ZBTB7C: variants seen among roughly 807,000 people sequenced by gnomAD.
ZBTB7C encodes zinc finger and BTB domain containing 7C, also known as zinc finger and BTB domain-containing protein 7C.
A neutral mutation model predicts 25.7 loss-of-function variants in ZBTB7C; 8 were observed. The observed-to-expected ratio is 0.31, with a 90% CI of 0.18 to 0.56. The LOEUF (loss-of-function observed/expected upper bound fraction) is 0.56, where lower values mean the gene tolerates loss of function less well. ZBTB7C is among the 20% of genes least tolerant of loss of function. The pLI, the probability that ZBTB7C is intolerant of heterozygous loss-of-function variation, is 0.91. For missense variants in ZBTB7C, 824 were observed against 855.2 expected, an observed-to-expected ratio of 0.96 and a Z score of 0.46; for synonymous variants, 394 against 369.0, an observed-to-expected ratio of 1.07 and a Z score of -0.78.
At chr18:48,160,324 C>CA (rs2040966792) in intron 3 of ZBTB7C, among the ~76,000 whole-genome samples, 1 of 152,226 alleles carries the variant, frequency 6.6e-6, no homozygotes, top group African/African-American at 2.4e-5. Flanking sequence ...ATCTACTGAG[C>CA]AACTACTCTG....
At chr18:48,099,345 T>C (rs531225948) in intron 3 of ZBTB7C, among the ~76,000 whole-genome samples, 1 of 152,216 alleles carries the variant, frequency 6.6e-6, no homozygotes, top group Non-Finnish European at 1.5e-5. Context: ...CCTAGCACAA[T>C]GTCTGGCACA....
chr18:48,128,723 G>T (rs2039888233), intron 3 of ZBTB7C, among the ~76,000 whole-genome samples: 1 of 151,622 alleles, frequency 6.6e-6, no homozygotes, highest in Admixed American at 6.6e-5. Context: ...GTAGAAAGGG[G>T]GTGAGGGACA....
chr18:48,402,191 G>C (rs1248668226), intron 1 of ZBTB7C, among the ~76,000 whole-genome samples: 1 of 151,532 alleles, frequency 6.6e-6, no homozygotes, highest in Non-Finnish European at 1.5e-5. Context: ...CCCAAACAGT[G>C]ATGCCCTAAA....
Position 48,140,590 on chromosome 18 carries a change from T to C in ZBTB7C, c.-17+45344A>G, listed in dbSNP as rs185967350. Among the ~76,000 whole-genome samples the C allele has an allele frequency of 2.6e-5, 4 of 152,308 alleles. No individual in the cohort carries two copies. In the East Asian group the frequency reaches 7.7e-4, roughly 29 times the overall value. On this transcript the variant is annotated intron_variant, in intron 3 of 4. Transcript: ENST00000590800. The stretch of plus-strand genomic sequence containing the variant: ...GCAGTGTGGTTTGCTGATGCATGCC[T>C]CAGTTTATCCATCTGAACAAGCAGG...
chr18:48,032,544 C>G (rs984328689), intron 4 of ZBTB7C, among the ~76,000 whole-genome samples: 1 of 146,776 alleles, frequency 6.8e-6, no homozygotes, highest in Non-Finnish European at 1.5e-5. Flanking sequence ...ACACAATTCT[C>G]CTGCCTCAGC....
At chr18:48,394,405 A>T (rs900128462) in intron 1 of ZBTB7C, among the ~76,000 whole-genome samples, 1 of 152,166 alleles carries the variant, frequency 6.6e-6, no homozygotes, top group Non-Finnish European at 1.5e-5. Flanking sequence ...GCTAAGCCAG[A>T]GGTTCAGCAG....
chr18:48,094,854 A>G (rs7243930), intron 3 of ZBTB7C, among the ~76,000 whole-genome samples: 2 of 151,986 alleles, frequency 1.3e-5, no homozygotes, highest in Non-Finnish European at 2.9e-5. Flanking sequence ...AAAAGGGAGC[A>G]TGGAGCTGAA....
At chr18:48,073,593 A>C (rs945000977) in intron 3 of ZBTB7C, among the ~76,000 whole-genome samples, 2 of 152,130 alleles carry the variant, frequency 1.3e-5, no homozygotes, top group Non-Finnish European at 2.9e-5. Flanking sequence ...ACAGGCCCTG[A>C]GTTTGAACAG....
At chr18:48,300,086 C>T (rs2045504840) in intron 2 of ZBTB7C, among the ~76,000 whole-genome samples, 1 of 152,180 alleles carries the variant, frequency 6.6e-6, no homozygotes, top group East Asian at 1.9e-4. Context: ...GAGAACCACA[C>T]TTCAAGTAGC....
At chr18:48,243,874 A>G (rs539897414) in intron 2 of ZBTB7C, among the ~76,000 whole-genome samples, 1 of 152,358 alleles carries the variant, frequency 6.6e-6, no homozygotes, top group Admixed American at 6.5e-5. Flanking sequence ...AAAGCCACAT[A>G]CTTACAGGCA....
At chr18:48,353,688 T>G (rs2046913601) in intron 1 of ZBTB7C, among the ~76,000 whole-genome samples, 1 of 152,128 alleles carries the variant, frequency 6.6e-6, no homozygotes, top group Non-Finnish European at 1.5e-5. Context: ...GGGCAATCCT[T>G]TGTGACAGCA....
chr18:48,367,136 T>A (rs921421992), intron 1 of ZBTB7C, among the ~76,000 whole-genome samples: 4 of 139,826 alleles, frequency 2.9e-5, no homozygotes, highest in Non-Finnish European at 4.6e-5. Flanking sequence ...TCTGGGAAGA[T>A]GAAGTAGACA....
intron 1 of ZBTB7C, among the ~76,000 whole-genome samples, chr18:48,365,207 G>C (rs1006426680): frequency 6.6e-6 from 1 of 152,194 alleles, no homozygotes. Context: ...AAACAGTTCT[G>C]CAGGGATTAC....
intron 2 of ZBTB7C, among the ~76,000 whole-genome samples, chr18:48,241,131 C>G (rs1449984896): frequency 6.6e-6 from 1 of 151,956 alleles, no homozygotes; most frequent in Non-Finnish European, 1.5e-5. Flanking sequence ...GATAAAAGGA[C>G]TATTTAAACA....
chr18:48,038,286 A>T (rs1167036993), intron 4 of ZBTB7C, among the ~76,000 whole-genome samples: 1 of 152,134 alleles, frequency 6.6e-6, no homozygotes, highest in Non-Finnish European at 1.5e-5. Flanking sequence ...CTGCTCCTGC[A>T]GATTCTCCCT....
At chr18:48,342,675 T>C (rs1007202731) in intron 1 of ZBTB7C, among the ~76,000 whole-genome samples, 1 of 152,160 alleles carries the variant, frequency 6.6e-6, no homozygotes, top group Non-Finnish European at 1.5e-5. Flanking sequence ...CTCAACCCCC[T>C]GAAGCCTAGG....
chr18:48,059,645 C>T (rs1043727729), intron 3 of ZBTB7C, among the ~76,000 whole-genome samples: 24 of 152,342 alleles, frequency 1.6e-4, no homozygotes, highest in South Asian at 8.3e-4. Flanking sequence ...ACCGGCCCCA[C>T]ACCCTTTTCA....
chr18:48,304,418 G>A (rs2045619179), intron 2 of ZBTB7C, among the ~76,000 whole-genome samples: 1 of 152,232 alleles, frequency 6.6e-6, no homozygotes, highest in African/African-American at 2.4e-5. Flanking sequence ...GCTCATGCCT[G>A]TAATCCTAGC....
At chr18:48,389,811 G>A (rs1467095227) in intron 1 of ZBTB7C, among the ~76,000 whole-genome samples, 1 of 152,280 alleles carries the variant, frequency 6.6e-6, no homozygotes, top group South Asian at 2.1e-4. Context: ...TGAAGAGCCC[G>A]GTACAGTGCC....
Sources: gnomAD v4.1 joint callset for allele counts (sites outside exome capture counted in the v4.1 genomes callset) on GRCh38, gnomAD v4.1.1 for gene constraint, MANE v1.5 for transcripts, NCBI Gene and HGNC (gene_info 2026-07-23, HGNC 2026-07-21) for gene names.